The following MESD variants were observed in gnomAD, a reference collection of about 807,000 sequenced individuals.
The protein encoded by MESD is mesoderm development LRP chaperone.
MESD carries 7 observed loss-of-function variants against 12.9 expected under a neutral mutation model. The ratio of observed to expected loss-of-function variants is 0.54; its 90% CI spans 0.31 to 1.02. MESD has a LOEUF of 1.02. MESD is among the 50% of genes least tolerant of loss of function. The probability of loss-of-function intolerance (pLI) is 0.05; values close to 1 mark genes in which losing one functional copy is unlikely to be tolerated. For synonymous variants in MESD, 126 were observed against 115.6 expected (o/e 1.09, Z -0.58); for missense variants, 342 against 296.7 (o/e 1.15, Z -1.12).
At chr15:80,985,210 G>A (rs148464325) in intron 1 of MESD, among the ~76,000 whole-genome samples, 2 of 152,336 alleles carry the variant, frequency 1.3e-5, no homozygotes, top group Non-Finnish European at 2.9e-5. Context: ...AGACGGATGC[G>A]CTCCATCACT....
intron 3 of MESD, among the ~76,000 whole-genome samples, chr15:80,958,958 A>G (rs1902036598): frequency 6.6e-6 from 1 of 152,202 alleles, no homozygotes; most frequent in South Asian, 2.1e-4. Context: ...AGAGTCATTG[A>G]AGGGGAGATG....
exon 5 of MESD, chr15:80,948,516 T>A: frequency 2.1e-6 from 1 of 478,246 alleles, no homozygotes. Flanking sequence ...CCCTTACAGT[T>A]TGCCCCATTT....
At position 80,979,533 on chromosome 15, in the gene MESD, G is replaced by A. The variant is rs139974368; in HGVS notation, c.447-56C>T. The A allele has an allele frequency of 2.4e-4, 380 of 1,561,842 alleles. 2 individuals carry two copies. In the African/African-American group the frequency reaches 4.4e-3, roughly 18 times the overall value. On this transcript the variant is annotated intron_variant, in intron 2 of 2. Coordinates refer to ENST00000261758, the MANE Select transcript of MESD (RefSeq NM_015154.3). ...GCACGTACTAGTAAGGTGCTAAGGG[G>A]TCAGAGCAATTCTCTGGCACTTATC... is the stretch of plus-strand genomic sequence containing the variant.
chr15:80,959,967 G>A (rs545966167), intron 3 of MESD, among the ~76,000 whole-genome samples: 71 of 152,228 alleles, frequency 4.7e-4, no homozygotes, highest in Non-Finnish European at 8.7e-4. Context: ...CAATGGTTTC[G>A]CAACCAGCTT....
At position 80,978,773 on chromosome 15, in the gene MESD, A is replaced by T. The variant is rs1012322028; in HGVS notation, c.*446T>A. ...TCACAAAGCATATTTTACCTTTAAC[A>T]TAATGAAAATGATGTATATGGCATG... On this transcript the variant is annotated 3_prime_UTR_variant, in exon 3 of 3. Coordinates refer to ENST00000261758, the MANE Select transcript of MESD (RefSeq NM_015154.3). The T allele has an allele frequency of 6.4e-6, 1 of 157,000 alleles. No homozygotes were observed. The highest frequency in any genetic ancestry group is 2.4e-5 in the African/African-American group (1 of 41,658). The allele number at this position is 157,000 out of a possible 1,614,324, so 9.7% of individuals were successfully genotyped here.
chr15:80,989,529 A>G, intron 1 of MESD, 50 bp downstream of exon 1: 1 of 1,578,474 alleles, frequency 6.3e-7, no homozygotes, highest in Non-Finnish European at 8.6e-7. Context: ...GTCATAGGGA[A>G]CAGGGTCCCG....
At chr15:80,974,068 C>G (rs534150570), downstream of MESD, among the ~76,000 whole-genome samples, 5 of 152,244 alleles carry the variant, frequency 3.3e-5, no homozygotes, top group South Asian at 2.1e-4. Context: ...GGTTCCCCCC[C>G]CCACTGGGGA....
chr15:80,989,806 G>A lies in MESD; in HGVS notation c.-15C>T. 1.9e-6 allele frequency: 3 copies of A among 1,555,714 alleles called. No individual in the cohort carries two copies. The highest frequency in any genetic ancestry group is 2.3e-5 in the South Asian group (2 of 87,466). On this transcript the variant is annotated 5_prime_UTR_variant, in exon 1 of 3. Transcript: ENST00000261758. The stretch of plus-strand genomic sequence containing the variant: ...GAAGCCGCCATTTTCGCTGCGCCGC[G>A]CAGCGCCCTAGACGCGCTTACCCGA...
chr15:80,959,494 A>G (rs963736934), intron 3 of MESD, among the ~76,000 whole-genome samples: 1 of 152,048 alleles, frequency 6.6e-6, no homozygotes, highest in African/African-American at 2.4e-5. Context: ...ATATAGGGCA[A>G]CTCCAAGGGG....
At chr15:80,947,310 T>C (rs949886666), downstream of MESD, 12 of 492,092 alleles carry the variant, frequency 2.4e-5, no homozygotes, top group African/African-American at 1.9e-4. Flanking sequence ...AGAAAATTGC[T>C]ATATTTGTTG....
In MESD at chr15:80,982,145, T is replaced by C; in HGVS notation, c.251A>G (p.His84Arg). The C allele has an allele frequency of 6.2e-7, 1 of 1,614,182 alleles. No individual in the cohort carries two copies. Residue 84 changes from histidine (H) to arginine (R), a missense_variant, in exon 2 of 3, where the codon CAC becomes CGC. Physicochemically the swap from His to Arg is conservative, Grantham distance 29. Coordinates refer to ENST00000261758, the MANE Select transcript of MESD (RefSeq NM_015154.3). ...DDIEEGDLPE[H>R]KRPSAPVDFS... is the part of the protein sequence containing the mutation. Reference sequence around the variant, plus strand: ...GTCGACAGGTGCTGAAGGTCTCTTGTGCTCTGGAAGATCTCCTTCTTCAAT... The same window carrying C: ...GTCGACAGGTGCTGAAGGTCTCTTGCGCTCTGGAAGATCTCCTTCTTCAAT...
At chr15:80,967,859 A>G (rs77519341) in intron 3 of MESD, among the ~76,000 whole-genome samples, 1 of 152,200 alleles carries the variant, frequency 6.6e-6, no homozygotes, top group East Asian at 1.9e-4. Context: ...TAAAATTGCA[A>G]GTTGGGCTGC....
At chr15:80,987,646 G>A (rs141332842) in intron 1 of MESD, among the ~76,000 whole-genome samples, 9,486 of 152,138 alleles carry the variant, frequency 0.062, 362 homozygotes, top group Middle Eastern at 0.17. Flanking sequence ...CCGCCACCAT[G>A]CCCAACTAAT....
At chr15:80,956,195 AT>A (rs779089235) in intron 3 of MESD, among the ~76,000 whole-genome samples, 65 of 152,100 alleles carry the variant, frequency 4.3e-4, no homozygotes, top group Non-Finnish European at 2.6e-4. Context: ...GTCTAAAAAA[AT>A]AATAATAAAA....
At chr15:80,956,590 A>G (rs1023182608) in intron 3 of MESD, among the ~76,000 whole-genome samples, 2 of 152,244 alleles carry the variant, frequency 1.3e-5, no homozygotes, top group Non-Finnish European at 1.5e-5. Flanking sequence ...GGAACAGGAA[A>G]AAAAAGCCAG....
downstream of MESD, among the ~76,000 whole-genome samples, chr15:80,971,794 T>G (rs1902294330): frequency 6.6e-6 from 1 of 151,712 alleles, no homozygotes; most frequent in African/African-American, 2.4e-5. Context: ...CAGGAAAAAG[T>G]AGGACCTGAG....
intron 3 of MESD, among the ~76,000 whole-genome samples, chr15:80,956,653 A>G (rs1901990558): frequency 6.6e-6 from 1 of 152,252 alleles, no homozygotes; most frequent in Admixed American, 6.5e-5. Flanking sequence ...AAATATAAAC[A>G]CAGAATTCGG....
intron 3 of MESD, among the ~76,000 whole-genome samples, chr15:80,959,411 T>G (rs1413879141): frequency 6.6e-6 from 1 of 152,098 alleles, no homozygotes; most frequent in Admixed American, 6.6e-5. Context: ...GCGGCCCTGG[T>G]GTGAGCTAGT....
chr15:80,963,904 C>T (rs185078455), intron 3 of MESD, among the ~76,000 whole-genome samples: 2 of 152,286 alleles, frequency 1.3e-5, no homozygotes, highest in African/African-American at 4.8e-5. Flanking sequence ...AGCATTCCCT[C>T]TGAAAACTGG....
Sources: allele counts gnomAD v4.1 joint callset (sites outside exome capture counted in the v4.1 genomes callset), GRCh38; gene constraint gnomAD v4.1.1; transcripts MANE v1.5; gene names NCBI Gene and HGNC (gene_info 2026-07-23, HGNC 2026-07-21).